The following LSAMP variants were observed in gnomAD, a reference collection of about 807,000 sequenced individuals.
LSAMP encodes limbic system associated membrane protein, also known as limbic system-associated membrane protein.
LSAMP carries 7 observed loss-of-function variants against 38.6 expected under a neutral mutation model. The ratio of observed to expected loss-of-function variants is 0.18; its 90% CI spans 0.10 to 0.34. The LOEUF is 0.34. LSAMP is among the 10% of genes least tolerant of loss of function. The pLI is 1.00. For missense variants in LSAMP, 313 were observed against 420.0 expected, an observed-to-expected ratio of 0.75 and a Z score of 2.23; for synonymous variants, 154 against 166.8, an observed-to-expected ratio of 0.92 and a Z score of 0.59.
At chr3:116,214,376 C>T (rs1320995895) in intron 1 of LSAMP, among the ~76,000 whole-genome samples, 1 of 152,096 alleles carries the variant, frequency 6.6e-6, no homozygotes, top group East Asian at 1.9e-4. Flanking sequence ...AAGTGCATTG[C>T]TGACCTCTCT....
chr3:116,414,151 G>T (rs771532833), intron 1 of LSAMP, among the ~76,000 whole-genome samples: 11 of 152,078 alleles, frequency 7.2e-5, no homozygotes, highest in Admixed American at 2.0e-4. Flanking sequence ...TTTCATTTTG[G>T]GGAATTTATA....
chr3:115,940,614 T>C (rs1456728627), intron 3 of LSAMP, among the ~76,000 whole-genome samples: 4 of 152,192 alleles, frequency 2.6e-5, no homozygotes, highest in African/African-American at 9.6e-5. Flanking sequence ...TCCAATTTCA[T>C]TCTTTTATAC....
intron 1 of LSAMP, among the ~76,000 whole-genome samples, chr3:116,337,784 T>A (rs1192165017): frequency 1.3e-5 from 2 of 152,042 alleles, no homozygotes; most frequent in Non-Finnish European, 2.9e-5. Context: ...TCAGTCCTTC[T>A]TCAATTCAAG....
intron 1 of LSAMP, among the ~76,000 whole-genome samples, chr3:116,320,282 G>A (rs143451639): frequency 1.4e-4 from 21 of 152,142 alleles, no homozygotes; most frequent in East Asian, 5.8e-4. Context: ...GCATGGTGGC[G>A]CACACCTGTA....
At chr3:116,375,618 G>C (rs2048484829) in intron 1 of LSAMP, among the ~76,000 whole-genome samples, 1 of 151,550 alleles carries the variant, frequency 6.6e-6, no homozygotes. Flanking sequence ...TTTAACAAAA[G>C]TATTTTTGTT....
rs1933589252 is a variant in LSAMP at position 115,804,598 on chromosome 3, T to TC, written c.*5718dup. ...CCTTCCTGTTTTTTTTCTTTTTTTT[T>TC]CTCTTAGGTAGATTAGTGCATTTAA... On this transcript the variant is annotated 3_prime_UTR_variant, in exon 7 of 7. Coordinates refer to ENST00000490035, the MANE Select transcript of LSAMP (RefSeq NM_002338.5). The TC allele has an allele frequency of 6.6e-6, 1 of 152,178 alleles. No homozygotes were observed. Among genetic ancestry groups the TC allele is most frequent in the South Asian group, 2.1e-4 (1 of 4,832 alleles). 9.4% of individuals were successfully genotyped at this position (152,178 alleles called of 1,614,324 possible).
intron 1 of LSAMP, among the ~76,000 whole-genome samples, chr3:116,205,533 G>A (rs1236056322): frequency 2.6e-5 from 2 of 78,404 alleles, no homozygotes; most frequent in Non-Finnish European, 5.0e-5. Flanking sequence ...GATATTGGCT[G>A]TGGGTTTGTC....
chr3:115,847,731 C>T (rs1209455248), intron 4 of LSAMP, among the ~76,000 whole-genome samples: 1 of 152,170 alleles, frequency 6.6e-6, no homozygotes, highest in African/African-American at 2.4e-5. Flanking sequence ...CCTTGTTTCC[C>T]CTTTGCTTTC....
intron 1 of LSAMP, among the ~76,000 whole-genome samples, chr3:116,199,059 G>T (rs927860240): frequency 6.6e-6 from 1 of 152,072 alleles, no homozygotes; most frequent in Non-Finnish European, 1.5e-5. Context: ...ACTATAGCCT[G>T]TGTGACAGAG....
chr3:116,194,762 T>G (rs1252162656), intron 1 of LSAMP, among the ~76,000 whole-genome samples: 1 of 152,148 alleles, frequency 6.6e-6, no homozygotes, highest in East Asian at 1.9e-4. Flanking sequence ...CTCAGCTAAA[T>G]CATTGATCGA....
At chr3:116,349,834 T>TA (rs904988826) in intron 1 of LSAMP, among the ~76,000 whole-genome samples, 2 of 151,722 alleles carry the variant, frequency 1.3e-5, no homozygotes, top group African/African-American at 4.8e-5. Flanking sequence ...TCTGGGGAAA[T>TA]AAAAAAAGAA....
intron 3 of LSAMP, among the ~76,000 whole-genome samples, chr3:115,862,119 A>G (rs1247181841): frequency 1.3e-5 from 2 of 152,168 alleles, no homozygotes; most frequent in African/African-American, 4.8e-5. Flanking sequence ...GCAGGGACAA[A>G]TATTAGAATT....
chr3:116,340,693 A>G (rs1442411650), intron 1 of LSAMP, among the ~76,000 whole-genome samples: 1 of 152,076 alleles, frequency 6.6e-6, no homozygotes, highest in South Asian at 2.1e-4. Flanking sequence ...ATATAAAAAT[A>G]TCAGTATAGA....
At chr3:116,387,293 T>C (rs1229311356) in intron 1 of LSAMP, among the ~76,000 whole-genome samples, 1 of 151,894 alleles carries the variant, frequency 6.6e-6, no homozygotes, top group Non-Finnish European at 1.5e-5. Context: ...GGACAGAAAA[T>C]GCCCAAGCCT....
intron 3 of LSAMP, among the ~76,000 whole-genome samples, chr3:115,881,037 A>AAAATAAAAAAATAAAT (rs1936307905): frequency 7.0e-6 from 1 of 142,894 alleles, no homozygotes; most frequent in Non-Finnish European, 1.5e-5. Context: ...CTCTGTCTCA[A>AAAATAAAAAAATAAAT]AAATAAATAA....
At chr3:115,828,659 C>T (rs542560300) in intron 6 of LSAMP, among the ~76,000 whole-genome samples, 1 of 152,334 alleles carries the variant, frequency 6.6e-6, no homozygotes, top group East Asian at 1.9e-4. Flanking sequence ...CATTGAGCTC[C>T]TCTTAGGCAG....
chr3:116,053,360 T>C (rs907561935), intron 2 of LSAMP, among the ~76,000 whole-genome samples: 2 of 152,216 alleles, frequency 1.3e-5, no homozygotes, highest in African/African-American at 4.8e-5. Flanking sequence ...GCCCTCAGTG[T>C]TCTTACAATC....
chr3:116,249,488 C>A (rs778689593), intron 1 of LSAMP, among the ~76,000 whole-genome samples: 1 of 151,866 alleles, frequency 6.6e-6, no homozygotes, highest in Non-Finnish European at 1.5e-5. Flanking sequence ...TAACTTTGAG[C>A]GATTCTCCTG....
At chr3:115,863,675 A>G (rs1366069589) in intron 3 of LSAMP, among the ~76,000 whole-genome samples, 1 of 151,780 alleles carries the variant, frequency 6.6e-6, no homozygotes, top group Admixed American at 6.6e-5. Context: ...GCGGTTAGGG[A>G]ACTTCTCTTC....
Sources: allele counts gnomAD v4.1 joint callset (sites outside exome capture counted in the v4.1 genomes callset), GRCh38; gene constraint gnomAD v4.1.1; transcripts MANE v1.5; gene names NCBI Gene and HGNC (gene_info 2026-07-23, HGNC 2026-07-21).